SENP6: variants seen among roughly 807,000 people sequenced by gnomAD.
The protein encoded by SENP6 is sentrin-specific protease 6.
SENP6 carries 41 observed loss-of-function variants against 134.5 expected under a neutral mutation model. The ratio of observed to expected loss-of-function variants is 0.30; its 90% confidence interval spans 0.24 to 0.40. The LOEUF is 0.40. Among genes scored for constraint, SENP6 ranks in the 10% least tolerant of loss-of-function variants. The pLI is 1.00. For synonymous variants in SENP6, 395 were observed against 429.8 expected (o/e 0.92, Z 1.00); for missense variants, 1,248 against 1,312.5 (o/e 0.95, Z 0.76).
chr6:75,653,589 C>T (rs1238810158), intron 7 of SENP6, among the ~76,000 whole-genome samples: 1 of 151,404 alleles, frequency 6.6e-6, no homozygotes, highest in Non-Finnish European at 1.5e-5. Flanking sequence ...TCAGGAATGC[C>T]TACTGAAGTA....
At chr6:75,659,536 A>C (rs1771615452) in intron 8 of SENP6, 129 bp downstream of exon 8, 5 of 780,098 alleles carry the variant, frequency 6.4e-6, no homozygotes, top group Non-Finnish European at 9.9e-6. Context: ...TTATTTAGGC[A>C]GCTTTTTCTG....
chr6:75,658,665 T>C (rs1475792410), intron 7 of SENP6, among the ~76,000 whole-genome samples: 1 of 152,050 alleles, frequency 6.6e-6, no homozygotes, highest in African/African-American at 2.4e-5. Context: ...GAAAATTAGC[T>C]TGTGGCAGGC....
intron 9 of SENP6, among the ~76,000 whole-genome samples, chr6:75,665,832 G>C (rs2149867974): frequency 6.6e-6 from 1 of 151,982 alleles, no homozygotes; most frequent in South Asian, 2.1e-4. Flanking sequence ...TTCGAGACCA[G>C]CCTGGCCAAC....
At chr6:75,675,275 A>G (rs1369327575) in intron 11 of SENP6, among the ~76,000 whole-genome samples, 160 bp from the exon 12 acceptor site, 1 of 152,200 alleles carries the variant, frequency 6.6e-6, no homozygotes, top group Non-Finnish European at 1.5e-5. Context: ...GGTTTAGATA[A>G]GCAATGTTTA....
At chr6:75,679,768 A>G (rs542676822) in intron 16 of SENP6, 1 of 152,350 alleles carries the variant, frequency 6.6e-6, no homozygotes, top group East Asian at 1.9e-4. Context: ...ATGTATATGA[A>G]ATAAAACAGA....
intron 7 of SENP6, among the ~76,000 whole-genome samples, chr6:75,649,568 A>G (rs894253468): frequency 2.0e-5 from 3 of 152,054 alleles, no homozygotes; most frequent in Admixed American, 2.0e-4. Flanking sequence ...CCCAGGCTGG[A>G]AGGCAGTGGT....
Position 75,676,059 on chromosome 6 carries a change from G to A in SENP6, c.1621+5G>A. ...AAGGAGTAAATAAATTAACAAGTAA[G>A]TTGTGTAAAACAGATTATAATAGAT... On this transcript the variant is annotated splice_donor_5th_base_variant and intron_variant, in intron 13 of 23. Transcript: ENST00000447266. The A allele has an allele frequency of 6.4e-7, 1 of 1,567,710 alleles. No individual in the cohort carries two copies. Among genetic ancestry groups the A allele is most frequent in the Non-Finnish European group, 8.7e-7 (1 of 1,153,836 alleles).
intron 19 of SENP6, among the ~76,000 whole-genome samples, chr6:75,703,308 A>G (rs1169639441): frequency 6.6e-6 from 1 of 152,126 alleles, no homozygotes; most frequent in Non-Finnish European, 1.5e-5. Context: ...AAAAATAAAT[A>G]GAAAATTTTT....
intron 3 of SENP6, among the ~76,000 whole-genome samples, chr6:75,625,975 T>G (rs1231517992): frequency 6.6e-6 from 1 of 152,240 alleles, no homozygotes; most frequent in Non-Finnish European, 1.5e-5. Flanking sequence ...ATAAAATGAT[T>G]TTCAAATTAT....
intron 6 of SENP6, among the ~76,000 whole-genome samples, chr6:75,643,625 G>A (rs1402258560): frequency 6.6e-6 from 1 of 152,192 alleles, no homozygotes; most frequent in African/African-American, 2.4e-5. Context: ...GGGAGGTTGA[G>A]ACATGAGAAT....
intron 16 of SENP6, among the ~76,000 whole-genome samples, chr6:75,694,537 A>G (rs777439105): frequency 6.6e-6 from 1 of 152,188 alleles, no homozygotes; most frequent in Non-Finnish European, 1.5e-5. Flanking sequence ...ACCCATTAGC[A>G]ATCACTGTTT....
At chr6:75,691,006 A>ATTT (rs35909209) in intron 16 of SENP6, among the ~76,000 whole-genome samples, 1 of 136,412 alleles carries the variant, frequency 7.3e-6, no homozygotes, top group Admixed American at 7.4e-5. Flanking sequence ...GCTCAGCCTA[A>ATTT]TTTTTTTTTT....
chr6:75,604,619 T>C (rs535330919), intron 1 of SENP6, among the ~76,000 whole-genome samples: 2 of 139,866 alleles, frequency 1.4e-5, no homozygotes, highest in South Asian at 2.3e-4. Flanking sequence ...AGCGAGATTC[T>C]GTCTCCAAAA....
At chr6:75,663,119 C>CT in intron 8 of SENP6, 102 bp from the exon 9 acceptor site, 1 of 1,105,788 alleles carries the variant, frequency 9.0e-7, no homozygotes, top group Middle Eastern at 2.6e-4. Flanking sequence ...TTCTTTTGTT[C>CT]TTTTGGAACT....
intron 10 of SENP6, 59 bp from the exon 11 acceptor site, chr6:75,670,494 C>A: frequency 2.3e-6 from 3 of 1,295,146 alleles, no homozygotes; most frequent in Non-Finnish European, 3.2e-6. Flanking sequence ...TATGTTTATA[C>A]TTAGCTTGCA....
intron 7 of SENP6, among the ~76,000 whole-genome samples, chr6:75,648,790 A>G (rs535435178): frequency 2.0e-5 from 3 of 152,260 alleles, no homozygotes; most frequent in Admixed American, 1.3e-4. Context: ...CTTTGCATTC[A>G]TTATTTACTT....
intron 19 of SENP6, among the ~76,000 whole-genome samples, chr6:75,704,693 C>T (rs765468317): frequency 1.6e-4 from 25 of 152,188 alleles, no homozygotes; most frequent in Admixed American, 6.5e-5. Context: ...AGGTCCTTCC[C>T]GTCCCACGAG....
chr6:75,687,743 A>G (rs1305568547), intron 16 of SENP6, among the ~76,000 whole-genome samples: 1 of 152,120 alleles, frequency 6.6e-6, no homozygotes, highest in Admixed American at 6.6e-5. Flanking sequence ...AACAGCAAAT[A>G]TTGCTGCCTG....
chr6:75,664,353 A>G (rs768478373), intron 9 of SENP6, among the ~76,000 whole-genome samples: 14 of 151,976 alleles, frequency 9.2e-5, no homozygotes, highest in Non-Finnish European at 1.5e-4. Context: ...AATATAGTTC[A>G]TGGGCCTTTT....
Sources: gnomAD v4.1 joint callset for allele counts (sites outside exome capture counted in the v4.1 genomes callset) on GRCh38, gnomAD v4.1.1 for gene constraint, MANE v1.5 for transcripts, NCBI Gene and HGNC (gene_info 2026-07-23, HGNC 2026-07-21) for gene names.